PRKCE: variants seen among roughly 807,000 people sequenced by gnomAD.
PRKCE encodes the protein protein kinase C epsilon type.
A neutral mutation model predicts 85.4 loss-of-function variants in PRKCE; 16 were observed. The ratio of observed to expected loss-of-function variants is 0.19; its 90% CI spans 0.13 to 0.28. The LOEUF (loss-of-function observed/expected upper bound fraction) is 0.28. Among genes scored for constraint, PRKCE ranks in the 10% least tolerant of loss-of-function variants. The probability of loss-of-function intolerance (pLI) is 1.00; values close to 1 mark genes in which losing one functional copy is unlikely to be tolerated. For missense variants in PRKCE, 573 were observed against 975.2 expected, an observed-to-expected ratio of 0.59 and a Z score of 5.49; for synonymous variants, 388 against 371.5, an observed-to-expected ratio of 1.04 and a Z score of -0.51.
chr2:45,944,739 C>T (rs541093123), intron 2 of PRKCE, among the ~76,000 whole-genome samples: 7 of 141,368 alleles, frequency 5.0e-5, no homozygotes, highest in African/African-American at 1.1e-4. Flanking sequence ...TGGGCTCAAG[C>T]GATCCATCCA....
chr2:46,154,746 T>A (rs1013285047), intron 13 of PRKCE, among the ~76,000 whole-genome samples: 3 of 151,940 alleles, frequency 2.0e-5, no homozygotes, highest in Non-Finnish European at 4.4e-5. Context: ...TTTTTTTTTT[T>A]TTTACAAAAA....
At chr2:46,012,789 T>C (rs1705796239) in intron 10 of PRKCE, among the ~76,000 whole-genome samples, 1 of 152,188 alleles carries the variant, frequency 6.6e-6, no homozygotes, top group African/African-American at 2.4e-5. Flanking sequence ...TTGTGCGTTG[T>C]AGAATAACAA....
intron 2 of PRKCE, among the ~76,000 whole-genome samples, chr2:45,892,641 G>C (rs760763514): frequency 6.6e-6 from 1 of 152,152 alleles, no homozygotes; most frequent in East Asian, 1.9e-4. Flanking sequence ...TGCCCACCTG[G>C]TTTTAAAGGC....
intron 2 of PRKCE, among the ~76,000 whole-genome samples, chr2:45,863,308 C>A (rs940849502): frequency 1.3e-5 from 2 of 152,098 alleles, no homozygotes; most frequent in African/African-American, 4.8e-5. Context: ...GTATCTCCTA[C>A]ATAAAGGTAG....
chr2:46,007,366 C>A, intron 8 of PRKCE, 96 bp from the exon 9 acceptor site: 3 of 1,241,120 alleles, frequency 2.4e-6, no homozygotes, highest in South Asian at 1.3e-5. Context: ...AGAAAGAGGA[C>A]TGAGAGCTTA....
At chr2:46,183,712 C>G (rs1483499045) in intron 14 of PRKCE, among the ~76,000 whole-genome samples, 1 of 152,204 alleles carries the variant, frequency 6.6e-6, no homozygotes. Flanking sequence ...CCATCCTTCT[C>G]CCTGCCAAGG....
chr2:45,728,949 G>A (rs528533328), intron 1 of PRKCE, among the ~76,000 whole-genome samples: 1 of 152,268 alleles, frequency 6.6e-6, no homozygotes, highest in South Asian at 2.1e-4. Context: ...CTCCTAACTG[G>A]TAGGCTGTGC....
chr2:46,169,595 G>A (rs1303856276), intron 14 of PRKCE, among the ~76,000 whole-genome samples: 1 of 152,210 alleles, frequency 6.6e-6, no homozygotes, highest in Non-Finnish European at 1.5e-5. Flanking sequence ...TAAGTAAGGA[G>A]ATGGAAAGAT....
chr2:45,907,492 G>A lies in PRKCE; in HGVS notation c.412+64429G>A, dbSNP rs1456187094. 2.0e-5 allele frequency among the ~76,000 whole-genome samples: 3 copies of A among 152,350 alleles called. No individual in the cohort carries two copies. Among genetic ancestry groups the A allele is most frequent in the East Asian group, 1.9e-4 (1 of 5,186 alleles). On this transcript the variant is annotated intron_variant, in intron 2 of 14. Coordinates refer to ENST00000306156, the MANE Select transcript of PRKCE (RefSeq NM_005400.3). This position sits in a 1 kb window ranked among gnomAD's most constrained non-coding sequence, Gnocchi z 4.5. ...CCCTGCCACAGAGGTAACAATGGAC[G>A]AAGCACACTTCTGAGGGCGTCATCG...
At chr2:45,976,331 C>T (rs1201526511) in intron 2 of PRKCE, 98 bp from the exon 3 acceptor site, 2 of 1,411,718 alleles carry the variant, frequency 1.4e-6, no homozygotes, top group East Asian at 2.3e-5. Flanking sequence ...CACCCCAGCT[C>T]CACTCCCCCA....
intron 14 of PRKCE, among the ~76,000 whole-genome samples, chr2:46,160,558 C>A (rs564865686): frequency 1.5e-5 from 2 of 136,098 alleles, no homozygotes; most frequent in Admixed American, 8.0e-5. Flanking sequence ...AGGTAGCCGG[C>A]TGGCAGGCTT....
At chr2:46,172,446 G>A (rs1461250382) in intron 14 of PRKCE, among the ~76,000 whole-genome samples, 1 of 152,106 alleles carries the variant, frequency 6.6e-6, no homozygotes, top group Non-Finnish European at 1.5e-5. Context: ...ACGTGTCACA[G>A]CCAAAGGAGT....
In PRKCE at chr2:45,972,616, A is replaced by T. The variant is rs375998544; in HGVS notation, c.413-3813A>T. Among the ~76,000 whole-genome samples the T allele has an allele frequency of 9.8e-5, 15 of 152,312 alleles. No individual in the cohort carries two copies. The East Asian group carries it at 1.7e-3, about 18-fold the overall frequency. The stretch of plus-strand genomic sequence containing the variant: ...TTCAGTGTTTACATTTAAGTATTCA[A>T]TCCACGTTTAGTTGATTTTTGTGTA... On this transcript the variant is annotated intron_variant, in intron 2 of 14. Transcript: ENST00000306156.
chr2:46,139,068 C>T lies in PRKCE; in HGVS notation c.1593-6025C>T, dbSNP rs547848502. Among the ~76,000 whole-genome samples the T allele has an allele frequency of 2.6e-5, 4 of 152,238 alleles. No homozygotes were observed. Among genetic ancestry groups the T allele is most frequent in the East Asian group, 1.9e-4 (1 of 5,180 alleles). ...CCAGGTGTCAGGCAACAAGGGCTAT[C>T]GCAAAGGCATTCAGGCTGAGGGGGA... On this transcript the variant is annotated intron_variant, in intron 11 of 14. Transcript: ENST00000306156. This position sits in a 1 kb window ranked among gnomAD's most constrained non-coding sequence, Gnocchi z 5.2.
At chr2:45,964,602 A>T (rs759730869) in intron 2 of PRKCE, among the ~76,000 whole-genome samples, 1 of 152,194 alleles carries the variant, frequency 6.6e-6, no homozygotes, top group Non-Finnish European at 1.5e-5. Context: ...GTAACTGTGA[A>T]TGGATGGAGG....
At position 45,956,183 on chromosome 2, in the gene PRKCE, A is replaced by G. The variant is rs185932715; in HGVS notation, c.413-20246A>G. ...GTTGCAGAATAGAACTCCGCACTTT[A>G]TAGCTACACACCAATTTGTTTGGTT... On this transcript the variant is annotated intron_variant, in intron 2 of 14. Transcript: ENST00000306156. Among the ~76,000 whole-genome samples, 3 of 152,328 alleles carry G rather than the reference A, an allele frequency of 2.0e-5. No individual in the cohort carries two copies. The East Asian group carries it at 5.8e-4, about 29-fold the overall frequency.
intron 2 of PRKCE, among the ~76,000 whole-genome samples, chr2:45,971,644 T>C (rs182695232): frequency 1.3e-5 from 2 of 152,384 alleles, no homozygotes; most frequent in Admixed American, 6.5e-5. Flanking sequence ...TTTTTCAATG[T>C]TTGTTGTATC....
chr2:45,951,307 C>T (rs185274146), intron 2 of PRKCE, among the ~76,000 whole-genome samples: 10 of 152,340 alleles, frequency 6.6e-5, no homozygotes, highest in Non-Finnish European at 1.0e-4. Context: ...TAAGGAGGAA[C>T]CCAGTCCTCT....
intron 1 of PRKCE, among the ~76,000 whole-genome samples, chr2:45,686,644 T>A (rs1677322267): frequency 6.6e-6 from 1 of 152,102 alleles, no homozygotes; most frequent in South Asian, 2.1e-4. Flanking sequence ...TAAGTGAGAA[T>A]AATAAAGATG....
Sources: gnomAD v4.1 joint callset for allele counts (sites outside exome capture counted in the v4.1 genomes callset) on GRCh38, gnomAD v4.1.1 for gene constraint, Gnocchi (gnomAD v3.1) non-coding constraint, MANE v1.5 for transcripts, NCBI Gene and HGNC (gene_info 2026-07-23, HGNC 2026-07-21) for gene names.